Variants in IQCM observed in about 807,000 individuals in gnomAD.
IQCM encodes the protein IQ domain-containing protein M.
IQCM carries 45 observed loss-of-function variants against 57.6 expected under a neutral mutation model. That is an observed-to-expected ratio of 0.78 (90% CI 0.62 to 1.00). The LOEUF (loss-of-function observed/expected upper bound fraction) is 1.00. Ranked by LOEUF, IQCM falls within the 50% of genes least tolerant of loss-of-function variation. The probability of loss-of-function intolerance (pLI) is 0.00; values close to 1 mark genes in which losing one functional copy is unlikely to be tolerated. For missense variants in IQCM, 468 were observed against 511.6 expected, an observed-to-expected ratio of 0.91 and a Z score of 0.82; for synonymous variants, 148 against 158.9, an observed-to-expected ratio of 0.93 and a Z score of 0.51.
chr4:149,378,649 C>T (rs1730863151), intron 13 of IQCM, among the ~76,000 whole-genome samples: 1 of 152,064 alleles, frequency 6.6e-6, no homozygotes, highest in Non-Finnish European at 1.5e-5. Flanking sequence ...GACTTGGGTG[C>T]TGTTAAAGGC....
intron 9 of IQCM, among the ~76,000 whole-genome samples, chr4:149,586,324 G>C (rs1345613043): frequency 6.6e-6 from 1 of 151,472 alleles, no homozygotes; most frequent in Non-Finnish European, 1.5e-5. Context: ...ATTTCTTCTT[G>C]TGTCAGTTTT....
At chr4:149,626,716 T>C (rs562381982) in intron 7 of IQCM, among the ~76,000 whole-genome samples, 1 of 152,082 alleles carries the variant, frequency 6.6e-6, no homozygotes, top group Admixed American at 6.5e-5. Flanking sequence ...CCTTTACAAC[T>C]TCAATAAATA....
chr4:149,750,040 T>C (rs1286204879), intron 2 of IQCM, among the ~76,000 whole-genome samples: 2 of 152,160 alleles, frequency 1.3e-5, no homozygotes, highest in Non-Finnish European at 2.9e-5. Context: ...TTTCTCAGAG[T>C]TCCTAATATT....
intron 12 of IQCM, among the ~76,000 whole-genome samples, chr4:149,520,219 ATTTTTTTTTTTT>A (rs538952958): frequency 2.4e-5 from 3 of 126,720 alleles, no homozygotes; most frequent in Non-Finnish European, 5.0e-5. Context: ...GGTGGGCACC[ATTTTTTTTTTTT>A]TTTTTTTTGC....
intron 13 of IQCM, among the ~76,000 whole-genome samples, chr4:149,373,088 G>A (rs1213269778): frequency 6.6e-6 from 1 of 152,182 alleles, no homozygotes; most frequent in Non-Finnish European, 1.5e-5. Context: ...GACTGATATT[G>A]TGAAAGCAAA....
At chr4:149,598,096 AAGTATTTTGCCAACTG>A (rs1407368871) in intron 8 of IQCM, among the ~76,000 whole-genome samples, 1 of 152,188 alleles carries the variant, frequency 6.6e-6, no homozygotes, top group African/African-American at 2.4e-5. Flanking sequence ...TTATCAATTG[AAGTATTTTGCCAACTG>A]ACCCTTACTA....
chr4:149,545,507 A>G (rs1748303084), intron 12 of IQCM, among the ~76,000 whole-genome samples: 1 of 152,200 alleles, frequency 6.6e-6, no homozygotes, highest in African/African-American at 2.4e-5. Flanking sequence ...CACACCTAGT[A>G]TGATAGCTAT....
In IQCM at chr4:149,561,213, A is replaced by G. The variant is rs77497534; in HGVS notation, c.948+2479T>C. Among the ~76,000 whole-genome samples, 721 of 152,314 alleles carry G rather than the reference A, an allele frequency of 4.7e-3. 3 individuals carry two copies. The highest frequency in any genetic ancestry group is 8.1e-3 in the Non-Finnish European group (550 of 68,020). ...TTTTTATCTCAAATTCTATCTCCGT[A>G]TAGAAATTCAGCATTTTCCTTATCA... On this transcript the variant is annotated intron_variant, in intron 10 of 13. Coordinates refer to ENST00000636793, the MANE Select transcript of IQCM (RefSeq NM_001363507.2).
intron 2 of IQCM, among the ~76,000 whole-genome samples, chr4:149,755,873 C>G (rs1768913039): frequency 6.6e-6 from 1 of 152,076 alleles, no homozygotes; most frequent in Admixed American, 6.6e-5. Context: ...AAATACCCGC[C>G]ATGCAATCCT....
chr4:149,351,774 T>A lies in IQCM; in HGVS notation c.*177A>T. 2.6e-6 allele frequency: 1 copy of A among 385,234 alleles called. No individual in the cohort carries two copies. 23.9% of individuals were successfully genotyped at this position (385,234 alleles called of 1,614,324 possible). A position where few individuals can be genotyped will look rare whatever the true frequency, so the allele number is the denominator to read the frequency against. On this transcript the variant is annotated 3_prime_UTR_variant, in exon 14 of 14. Coordinates refer to ENST00000636793, the MANE Select transcript of IQCM (RefSeq NM_001363507.2). ...GATGTTTTTTATGAAGGAGATCAAA[T>A]GAATGGTGTTCATCCAAAAATACTA...
intron 13 of IQCM, among the ~76,000 whole-genome samples, chr4:149,381,827 G>T (rs1731099038): frequency 6.6e-6 from 1 of 151,880 alleles, no homozygotes; most frequent in Non-Finnish European, 1.5e-5. Flanking sequence ...CAGGCTGGAG[G>T]GCAATAGCAC....
chr4:149,391,397 C>T (rs1731845860), intron 13 of IQCM, among the ~76,000 whole-genome samples: 1 of 151,792 alleles, frequency 6.6e-6, no homozygotes, highest in Non-Finnish European at 1.5e-5. Context: ...GTCTGTCTAA[C>T]TAAAGATTGG....
At chr4:149,378,978 G>C (rs558700335) in intron 13 of IQCM, among the ~76,000 whole-genome samples, 14 of 152,202 alleles carry the variant, frequency 9.2e-5, no homozygotes, top group Non-Finnish European at 1.3e-4. Context: ...TGCCACTCCA[G>C]CTGTGACTAA....
At chr4:149,713,122 CTGCT>C (rs924591059) in intron 5 of IQCM, among the ~76,000 whole-genome samples, 15 of 152,150 alleles carry the variant, frequency 9.9e-5, no homozygotes, top group African/African-American at 3.6e-4. Flanking sequence ...AACAACACTG[CTGCT>C]TGATGAGCTC....
At chr4:149,812,700 T>C (rs1774694897) in intron 2 of IQCM, among the ~76,000 whole-genome samples, 1 of 152,190 alleles carries the variant, frequency 6.6e-6, no homozygotes, top group African/African-American at 2.4e-5. Context: ...CTTTTTGCTT[T>C]GATTGACAGT....
chr4:149,472,991 T>G (rs1243779449), intron 12 of IQCM, among the ~76,000 whole-genome samples: 2 of 152,186 alleles, frequency 1.3e-5, no homozygotes, highest in Non-Finnish European at 2.9e-5. Context: ...ATTAAAGACT[T>G]AAATGTTAGA....
At chr4:149,354,402 G>A (rs1257660034) in intron 13 of IQCM, among the ~76,000 whole-genome samples, 1 of 138,862 alleles carries the variant, frequency 7.2e-6, no homozygotes, top group Non-Finnish European at 1.6e-5. Context: ...GACAAATTAG[G>A]CCACAGTAAT....
At chr4:149,500,953 G>A (rs1176369517) in intron 12 of IQCM, among the ~76,000 whole-genome samples, 2 of 152,276 alleles carry the variant, frequency 1.3e-5, no homozygotes, top group African/African-American at 4.8e-5. Context: ...CCATGAGGTT[G>A]TTTCCTTTGG....
intron 12 of IQCM, among the ~76,000 whole-genome samples, chr4:149,472,452 C>T (rs1353680474): frequency 6.6e-6 from 1 of 152,184 alleles, no homozygotes; most frequent in Non-Finnish European, 1.5e-5. Flanking sequence ...CTACAAACCA[C>T]TGCCCAACGA....
Sources: allele counts gnomAD v4.1 joint callset (sites outside exome capture counted in the v4.1 genomes callset), GRCh38; gene constraint gnomAD v4.1.1; transcripts MANE v1.5; gene names NCBI Gene and HGNC (gene_info 2026-07-23, HGNC 2026-07-21).